The following NXPE2 variants were observed in gnomAD, a reference collection of about 807,000 sequenced individuals.
NXPE2 encodes the protein neurexophilin and PC-esterase domain family member 2, also known as NXPE family member 2.
A neutral mutation model predicts 34.4 loss-of-function variants in NXPE2; 34 were observed. The ratio of observed to expected loss-of-function variants is 0.99; its 90% CI spans 0.75 to 1.31. The LOEUF (loss-of-function observed/expected upper bound fraction) is 1.31, where lower values mean the gene tolerates loss of function less well. Among genes scored for constraint, NXPE2 ranks in the 40% most tolerant of loss-of-function variants. The pLI is 0.00. For synonymous variants in NXPE2, 235 were observed against 231.3 expected, an observed-to-expected ratio of 1.02 and a Z score of -0.15; for missense variants, 649 against 672.5, an observed-to-expected ratio of 0.97 and a Z score of 0.39.
chr11:114,573,153 T>A, the NXPE2 span, among the ~76,000 whole-genome samples: 4 of 152,028 alleles, frequency 2.6e-5, no homozygotes, highest in African/African-American at 7.2e-5. Flanking sequence ...TCGAGACAAA[T>A]GCTGACAGAA....
At chr11:114,676,591 T>C (rs531684522), upstream of NXPE2, among the ~76,000 whole-genome samples, 1 of 152,058 alleles carries the variant, frequency 6.6e-6, no homozygotes, top group East Asian at 1.9e-4. Context: ...ATGGTTATTA[T>C]CAAAAAGACG....
the NXPE2 span, chr11:114,523,150 T>C: frequency 8.3e-6 from 10 of 1,207,214 alleles, no homozygotes; most frequent in East Asian, 2.1e-4. Context: ...TCTAGCCTTC[T>C]TTCCTGGTCT....
At chr11:114,466,707 C>T in the NXPE2 span, among the ~76,000 whole-genome samples, 6 of 152,210 alleles carry the variant, frequency 3.9e-5, no homozygotes, top group South Asian at 1.2e-3. Context: ...TTCCTTGTTG[C>T]AATTTTCTTC....
the NXPE2 span, among the ~76,000 whole-genome samples, chr11:114,533,049 G>A: frequency 6.6e-6 from 1 of 152,076 alleles, no homozygotes; most frequent in Non-Finnish European, 1.5e-5. Context: ...ACAATTAACT[G>A]AATTAATGTT....
the NXPE2 span, chr11:114,580,204 C>G: frequency 6.2e-7 from 1 of 1,613,928 alleles, no homozygotes; most frequent in South Asian, 1.1e-5. Context: ...ATGAGTTTTC[C>G]TCTCAGGCAT....
the NXPE2 span, among the ~76,000 whole-genome samples, chr11:114,479,643 T>C: frequency 9.2e-5 from 14 of 151,650 alleles, no homozygotes; most frequent in Non-Finnish European, 1.8e-4. Flanking sequence ...CATGCAGAGA[T>C]GTTTAGTAGG....
chr11:114,703,387 A>G (rs1005338009), intron 3 of NXPE2, among the ~76,000 whole-genome samples: 5 of 152,244 alleles, frequency 3.3e-5, no homozygotes, highest in Non-Finnish European at 1.5e-5. Context: ...TCCGTAGACC[A>G]TTGGCTTTGG....
chr11:114,519,810 A>G, the NXPE2 span, among the ~76,000 whole-genome samples: 2 of 152,106 alleles, frequency 1.3e-5, no homozygotes, highest in Non-Finnish European at 2.9e-5. Flanking sequence ...ATACAGTGTG[A>G]TGTTTTGATA....
At chr11:114,592,690 G>T in the NXPE2 span, among the ~76,000 whole-genome samples, 9 of 152,052 alleles carry the variant, frequency 5.9e-5, no homozygotes, top group Admixed American at 5.9e-4. Context: ...TCTAAAATCT[G>T]TAAGGAAACA....
At chr11:114,531,105 G>A in the NXPE2 span, among the ~76,000 whole-genome samples, 1 of 151,340 alleles carries the variant, frequency 6.6e-6, no homozygotes, top group Non-Finnish European at 1.5e-5. Context: ...TTATGATGAT[G>A]ATATAATATT....
the NXPE2 span, chr11:114,571,215 T>C: frequency 2.8e-4 from 452 of 1,614,040 alleles, 4 homozygotes; most frequent in African/African-American, 5.4e-3. Context: ...TTTGTGGACA[T>C]TGAGGGCCCT....
chr11:114,633,090 G>A, the NXPE2 span, among the ~76,000 whole-genome samples: 5 of 111,246 alleles, frequency 4.5e-5, no homozygotes, highest in Admixed American at 1.1e-4. Context: ...TATCTTTTAT[G>A]TATTTTATAT....
At chr11:114,508,729 T>C in the NXPE2 span, among the ~76,000 whole-genome samples, 2 of 152,210 alleles carry the variant, frequency 1.3e-5, no homozygotes, top group Non-Finnish European at 2.9e-5. Flanking sequence ...TTACACCTTA[T>C]ACGAAAATTG....
chr11:114,720,331 C>T, the NXPE2 span, among the ~76,000 whole-genome samples: 2 of 152,238 alleles, frequency 1.3e-5, no homozygotes, highest in African/African-American at 4.8e-5. Flanking sequence ...GAGAGAGTCT[C>T]ACCTGAGTCA....
the NXPE2 span, chr11:114,594,822 G>A: frequency 1.1e-5 from 10 of 928,900 alleles, no homozygotes; most frequent in Non-Finnish European, 1.5e-5. Context: ...AAACAGAAAA[G>A]CAAACAAACA....
intron 3 of NXPE2, among the ~76,000 whole-genome samples, chr11:114,699,868 A>G (rs1380763282): frequency 6.7e-6 from 1 of 149,976 alleles, no homozygotes; most frequent in Non-Finnish European, 1.5e-5. Flanking sequence ...ATCTCGGCTC[A>G]CTGCAACCTC....
chr11:114,613,828 T>G, the NXPE2 span, among the ~76,000 whole-genome samples: 2 of 151,750 alleles, frequency 1.3e-5, no homozygotes, highest in African/African-American at 2.4e-5. Flanking sequence ...AAGTAACCAC[T>G]GTTACCCTGT....
At position 114,694,938 on chromosome 11, in the gene NXPE2, G is replaced by A. The variant is rs191876644; in HGVS notation, c.133-3107G>A. 5.0e-3 allele frequency among the ~76,000 whole-genome samples: 759 copies of A among 151,928 alleles called. 7 individuals carry two copies. The highest frequency in any genetic ancestry group is 0.017 in the Middle Eastern group (5 of 292). ...ATTTCAAAATCTCTACTATAACTAA[G>A]TTTTGTTCTGATGCTTGCATTGTCC... On this transcript the variant is annotated intron_variant, in intron 2 of 5. Coordinates refer to ENST00000389586, the MANE Select transcript of NXPE2 (RefSeq NM_182495.6).
At chr11:114,548,520 A>C in the NXPE2 span, among the ~76,000 whole-genome samples, 1 of 152,108 alleles carries the variant, frequency 6.6e-6, no homozygotes, top group Non-Finnish European at 1.5e-5. Context: ...TAAAAACCCC[A>C]AATACCATTC....
Sources: gnomAD v4.1 joint callset for allele counts (sites outside exome capture counted in the v4.1 genomes callset) on GRCh38, gnomAD v4.1.1 for gene constraint, MANE v1.5 for transcripts, NCBI Gene and HGNC (gene_info 2026-07-23, HGNC 2026-07-21) for gene names.